The following SYT2 variants were observed in gnomAD, a reference collection of about 807,000 sequenced individuals.
SYT2 encodes synaptotagmin 2.
Under a neutral mutation model 39.9 loss-of-function variants are expected in SYT2, and 15 were observed. The ratio of observed to expected loss-of-function variants is 0.38; its 90% CI spans 0.25 to 0.58. The LOEUF is 0.58. SYT2 is among the 20% of genes least tolerant of loss of function. SYT2 has a pLI of 0.70. For synonymous variants in SYT2, 181 were observed against 204.5 expected (o/e 0.89, Z 0.98); for missense variants, 389 against 530.3 (o/e 0.73, Z 2.62).
chr1:202,663,819 G>A (rs12022632), intron 1 of SYT2, among the ~76,000 whole-genome samples: 21,488 of 152,154 alleles, frequency 0.14, 1,976 homozygotes, highest in East Asian at 0.39. Flanking sequence ...CTGTGCCTGG[G>A]TGCTGAGGGA....
At chr1:202,634,865 C>T (rs1270001706) in intron 1 of SYT2, among the ~76,000 whole-genome samples, 1 of 152,068 alleles carries the variant, frequency 6.6e-6, no homozygotes, top group Admixed American at 6.5e-5. Flanking sequence ...GATTAGTTGG[C>T]TAAGGCTGGG....
intron 1 of SYT2, among the ~76,000 whole-genome samples, chr1:202,620,806 G>A (rs150350425): frequency 9.1e-4 from 138 of 152,182 alleles, no homozygotes; most frequent in African/African-American, 3.2e-3. Flanking sequence ...AGACGACCTC[G>A]CACACTCACA....
chr1:202,613,874 T>C (rs191337182), intron 1 of SYT2, among the ~76,000 whole-genome samples: 351 of 152,352 alleles, frequency 2.3e-3, no homozygotes, highest in Non-Finnish European at 4.0e-3. Flanking sequence ...CAAAAATCCC[T>C]TTGTGAAACT....
intron 1 of SYT2, among the ~76,000 whole-genome samples, chr1:202,709,001 G>A (rs893654689): frequency 3.3e-5 from 5 of 152,228 alleles, no homozygotes; most frequent in African/African-American, 9.6e-5. Context: ...TTCCACCTGG[G>A]AGAGGCCCCG....
At chr1:202,646,728 T>C (rs895155697) in intron 1 of SYT2, among the ~76,000 whole-genome samples, 3 of 152,204 alleles carry the variant, frequency 2.0e-5, no homozygotes, top group East Asian at 1.9e-4. Flanking sequence ...GGCATAGCAG[T>C]GTTGGCCTTG....
intron 1 of SYT2, among the ~76,000 whole-genome samples, chr1:202,642,735 G>A (rs1691953558): frequency 6.6e-6 from 1 of 152,240 alleles, no homozygotes; most frequent in African/African-American, 2.4e-5. Context: ...TGCGCCAGGG[G>A]CTCCCCAGTG....
chr1:202,687,890 C>T (rs990339560), intron 1 of SYT2, among the ~76,000 whole-genome samples: 7 of 152,056 alleles, frequency 4.6e-5, no homozygotes, highest in Admixed American at 3.3e-4. Context: ...GTTCTTTGTA[C>T]CTAACACTGA....
rs1653605621 is a variant in SYT2 at position 202,684,369 on chromosome 1, A to G, written c.-18+25889T>C. Among the ~76,000 whole-genome samples, 3 of 150,906 alleles carry G rather than the reference A, an allele frequency of 2.0e-5. No homozygotes were observed. In the South Asian group the frequency reaches 6.3e-4, roughly 31 times the overall value. On this transcript the variant is annotated intron_variant, in intron 1 of 8. Coordinates refer to ENST00000367268, the MANE Select transcript of SYT2 (RefSeq NM_177402.5). ...AGCTTTTTTTTTTTCAATTCCACAT[A>G]TAAGTGAGATTATACAGTATTTGTT...
intron 1 of SYT2, among the ~76,000 whole-genome samples, chr1:202,678,510 C>T (rs1172869316): frequency 6.6e-6 from 1 of 152,002 alleles, no homozygotes; most frequent in Non-Finnish European, 1.5e-5. Flanking sequence ...TCACCCAGTG[C>T]CCCTCCCTCT....
intron 1 of SYT2, among the ~76,000 whole-genome samples, chr1:202,707,796 G>A (rs1654291417): frequency 1.3e-5 from 2 of 152,226 alleles, no homozygotes; most frequent in East Asian, 3.9e-4. Context: ...AGAATGACTA[G>A]AGGTCAGGCT....
intron 1 of SYT2, among the ~76,000 whole-genome samples, chr1:202,662,454 A>C (rs1321387242): frequency 6.6e-6 from 1 of 152,238 alleles, no homozygotes; most frequent in Non-Finnish European, 1.5e-5. Flanking sequence ...ACTAAAACTC[A>C]CTGAGGCCAA....
intron 1 of SYT2, among the ~76,000 whole-genome samples, chr1:202,683,598 G>A (rs886520083): frequency 6.6e-6 from 1 of 152,088 alleles, no homozygotes; most frequent in African/African-American, 2.4e-5. Context: ...AAAAATAGCT[G>A]AACGTGGTGG....
At chr1:202,676,957 G>T (rs890008310) in intron 1 of SYT2, among the ~76,000 whole-genome samples, 1 of 152,150 alleles carries the variant, frequency 6.6e-6, no homozygotes, top group African/African-American at 2.4e-5. Context: ...TCATGATAGA[G>T]TTCTCATGAG....
intron 1 of SYT2, among the ~76,000 whole-genome samples, chr1:202,701,064 T>G (rs1490710808): frequency 6.6e-6 from 1 of 152,238 alleles, no homozygotes; most frequent in Non-Finnish European, 1.5e-5. Flanking sequence ...TTAAACAATA[T>G]TAACAAATCA....
chr1:202,612,771 A>G (rs1281440638), intron 1 of SYT2, among the ~76,000 whole-genome samples: 2 of 152,184 alleles, frequency 1.3e-5, no homozygotes, highest in Non-Finnish European at 1.5e-5. Flanking sequence ...TGGAATTTTG[A>G]TAGGCATTGT....
chr1:202,653,794 TG>T (rs1692232827), intron 1 of SYT2, among the ~76,000 whole-genome samples: 1 of 152,240 alleles, frequency 6.6e-6, no homozygotes, highest in African/African-American at 2.4e-5. Flanking sequence ...CAGTGATTTC[TG>T]CACCTCTTCT....
At chr1:202,640,133 C>T (rs1691857392) in intron 1 of SYT2, among the ~76,000 whole-genome samples, 2 of 152,184 alleles carry the variant, frequency 1.3e-5, no homozygotes, top group Non-Finnish European at 2.9e-5. Context: ...ACCATCAGCG[C>T]TCTTACTGAG....
In SYT2 at chr1:202,708,136, T is replaced by G. The variant is rs1404205134; in HGVS notation, c.-18+2122A>C. Reference sequence around the variant, plus strand: ...CAAGCTTCTCTAGGTGAAAAGTCAATGTTTACGAACACCAACACTTTTTGC... The same window carrying G: ...CAAGCTTCTCTAGGTGAAAAGTCAAGGTTTACGAACACCAACACTTTTTGC... On this transcript the variant is annotated intron_variant, in intron 1 of 8. Transcript: ENST00000367268. Among the ~76,000 whole-genome samples, 4 of 152,182 alleles carry G rather than the reference T, an allele frequency of 2.6e-5. 1 individual carries two copies. The highest frequency in any genetic ancestry group is 5.9e-5 in the Non-Finnish European group (4 of 68,036).
At chr1:202,603,967 C>A (rs1441552585) in intron 3 of SYT2, among the ~76,000 whole-genome samples, 1 of 152,160 alleles carries the variant, frequency 6.6e-6, no homozygotes, top group Non-Finnish European at 1.5e-5. Context: ...CTGACCAACA[C>A]CAAAAGACAG....
Sources: allele counts gnomAD v4.1 joint callset (sites outside exome capture counted in the v4.1 genomes callset), GRCh38; gene constraint gnomAD v4.1.1; transcripts MANE v1.5; gene names NCBI Gene and HGNC (gene_info 2026-07-23, HGNC 2026-07-21).